The following TMEM178B variants were observed in gnomAD, a reference collection of about 807,000 sequenced individuals.
The protein encoded by TMEM178B is transmembrane protein 178B.
A neutral mutation model predicts 31.0 loss-of-function variants in TMEM178B; 5 were observed. That is an observed-to-expected ratio of 0.16 (90% CI 0.08 to 0.34). The LOEUF (loss-of-function observed/expected upper bound fraction) is 0.34, where lower values mean the gene tolerates loss of function less well. Among genes scored for constraint, TMEM178B ranks in the 10% least tolerant of loss-of-function variants. TMEM178B has a pLI of 1.00. For synonymous variants in TMEM178B, 164 were observed against 164.0 expected (o/e 1.00, Z 0.00); for missense variants, 275 against 400.3 (o/e 0.69, Z 2.67).
intron 2 of TMEM178B, among the ~76,000 whole-genome samples, chr7:141,265,336 T>C (rs1798079845): frequency 6.6e-6 from 1 of 152,036 alleles, no homozygotes; most frequent in Admixed American, 6.6e-5. Flanking sequence ...AGGGCTGAGT[T>C]TCATGGCTTC....
At chr7:141,166,354 CTG>C (rs1179779291) in intron 1 of TMEM178B, among the ~76,000 whole-genome samples, 1 of 152,220 alleles carries the variant, frequency 6.6e-6, no homozygotes, top group East Asian at 1.9e-4. Flanking sequence ...CAACTTTCCT[CTG>C]TGTCGGAATC....
At chr7:141,181,340 G>A (rs1251893738) in intron 1 of TMEM178B, among the ~76,000 whole-genome samples, 3 of 152,188 alleles carry the variant, frequency 2.0e-5, no homozygotes, top group African/African-American at 7.2e-5. Flanking sequence ...ATACAATACA[G>A]GATGACCAGT....
chr7:141,266,139 C>G (rs904091443), intron 2 of TMEM178B, among the ~76,000 whole-genome samples: 2 of 152,218 alleles, frequency 1.3e-5, no homozygotes, highest in African/African-American at 4.8e-5. Flanking sequence ...TAAATACCCT[C>G]TTAAATGCCT....
At chr7:141,372,527 A>G (rs1800136956) in intron 2 of TMEM178B, among the ~76,000 whole-genome samples, 1 of 152,094 alleles carries the variant, frequency 6.6e-6, no homozygotes, top group African/African-American at 2.4e-5. Context: ...ATCTGCTTAC[A>G]TTCTAGGTTC....
chr7:141,420,120 A>T (rs753990635), intron 2 of TMEM178B, among the ~76,000 whole-genome samples: 1 of 151,594 alleles, frequency 6.6e-6, no homozygotes, highest in African/African-American at 2.4e-5. Context: ...TTAAATAGCA[A>T]CTCTCCTACA....
chr7:141,473,630 A>T lies in TMEM178B; in HGVS notation c.*2844A>T, dbSNP rs1407338049. On this transcript the variant is annotated 3_prime_UTR_variant, in exon 4 of 4. Coordinates refer to ENST00000565468, the MANE Select transcript of TMEM178B (RefSeq NM_001195278.2). ...CTTGAGAGTTCCTGAAATGTTAGAA[A>T]GCTCCCAGGAAAGACGTAAACAACC... is the stretch of plus-strand genomic sequence containing the variant. The T allele has an allele frequency of 6.6e-6, 1 of 152,214 alleles. No individual in the cohort carries two copies. The highest frequency in any genetic ancestry group is 1.5e-5 in the Non-Finnish European group (1 of 68,038). 9.4% of individuals were successfully genotyped at this position (152,214 alleles called of 1,614,324 possible). A position where few individuals can be genotyped will look rare whatever the true frequency, so the allele number is the denominator to read the frequency against.
chr7:141,081,784 G>C (rs1330392213), intron 1 of TMEM178B, among the ~76,000 whole-genome samples: 4 of 152,188 alleles, frequency 2.6e-5, no homozygotes, highest in Non-Finnish European at 5.9e-5. Flanking sequence ...TGTAGCCTAA[G>C]TGTACAGTAT....
chr7:141,201,758 G>T (rs777112845), intron 1 of TMEM178B, among the ~76,000 whole-genome samples: 2 of 152,166 alleles, frequency 1.3e-5, no homozygotes, highest in Non-Finnish European at 2.9e-5. Context: ...TGTTACTGAG[G>T]AGCTATCTTC....
At chr7:141,376,682 C>T (rs552936138) in intron 2 of TMEM178B, among the ~76,000 whole-genome samples, 3 of 152,186 alleles carry the variant, frequency 2.0e-5, no homozygotes, top group African/African-American at 4.8e-5. Flanking sequence ...AAAGTAATGG[C>T]GTTCTTGATA....
intron 2 of TMEM178B, among the ~76,000 whole-genome samples, chr7:141,416,545 T>C (rs975215352): frequency 6.6e-6 from 1 of 152,222 alleles, no homozygotes; most frequent in Non-Finnish European, 1.5e-5. Context: ...CATCATACTT[T>C]AAAAAATCCA....
intron 1 of TMEM178B, among the ~76,000 whole-genome samples, chr7:141,191,141 T>C (rs1043707139): frequency 1.3e-5 from 2 of 152,226 alleles, no homozygotes; most frequent in African/African-American, 4.8e-5. Context: ...ATATTACACC[T>C]TGCTTATTTT....
chr7:141,368,384 T>G (rs1244797655), intron 2 of TMEM178B, among the ~76,000 whole-genome samples: 1 of 152,248 alleles, frequency 6.6e-6, no homozygotes, highest in Admixed American at 6.5e-5. Context: ...CTATTTTGCA[T>G]GTTTTAAACT....
chr7:141,149,997 T>C (rs1795939398), intron 1 of TMEM178B, among the ~76,000 whole-genome samples: 2 of 151,790 alleles, frequency 1.3e-5, no homozygotes, highest in African/African-American at 4.8e-5. Context: ...GGGTGGAAAG[T>C]GGGAGGTGAA....
At chr7:141,347,660 G>C (rs1447449203) in intron 2 of TMEM178B, among the ~76,000 whole-genome samples, 2 of 152,084 alleles carry the variant, frequency 1.3e-5, no homozygotes, top group Admixed American at 6.6e-5. Flanking sequence ...ATCCTAGTCT[G>C]TCCACACAAG....
chr7:141,245,688 C>T (rs982454905), intron 2 of TMEM178B, among the ~76,000 whole-genome samples: 2 of 152,188 alleles, frequency 1.3e-5, no homozygotes, highest in Admixed American at 6.5e-5. Flanking sequence ...CATAAGCCAG[C>T]TCCCCTGATG....
downstream of TMEM178B, among the ~76,000 whole-genome samples, chr7:141,485,190 A>G (rs1386994859): frequency 6.6e-6 from 1 of 152,190 alleles, no homozygotes; most frequent in African/African-American, 2.4e-5. Context: ...GAAAGCCCGG[A>G]CCATGTGACC....
chr7:141,250,485 G>C (rs899675329), intron 2 of TMEM178B, among the ~76,000 whole-genome samples: 2 of 152,162 alleles, frequency 1.3e-5, no homozygotes, highest in African/African-American at 4.8e-5. Flanking sequence ...GACAGGACCA[G>C]AAGGAAATAT....
intron 1 of TMEM178B, among the ~76,000 whole-genome samples, chr7:141,209,363 A>G (rs1239304248): frequency 6.6e-6 from 1 of 152,198 alleles, no homozygotes; most frequent in Non-Finnish European, 1.5e-5. Flanking sequence ...GGGAAGAGGT[A>G]TTTGCTATAG....
At chr7:141,315,784 C>T (rs1488173001) in intron 2 of TMEM178B, among the ~76,000 whole-genome samples, 1 of 152,116 alleles carries the variant, frequency 6.6e-6, no homozygotes, top group African/African-American at 2.4e-5. Flanking sequence ...CACTAGAGTG[C>T]GGAATGAAGT....
Sources: allele counts gnomAD v4.1 joint callset (sites outside exome capture counted in the v4.1 genomes callset), GRCh38; gene constraint gnomAD v4.1.1; transcripts MANE v1.5; gene names NCBI Gene and HGNC (gene_info 2026-07-23, HGNC 2026-07-21).